Variants in AVL9 observed in about 807,000 individuals in gnomAD.
The protein encoded by AVL9 is AVL9 cell migration associated, also known as late secretory pathway protein AVL9 homolog.
A neutral mutation model predicts 79.2 loss-of-function variants in AVL9; 49 were observed. The ratio of observed to expected loss-of-function variants is 0.62; its 90% CI spans 0.49 to 0.79. The LOEUF (loss-of-function observed/expected upper bound fraction) is 0.79, where lower values mean the gene tolerates loss of function less well. AVL9 is among the 30% of genes least tolerant of loss of function. AVL9 has a pLI of 0.00. For synonymous variants in AVL9, 299 were observed against 280.6 expected (o/e 1.07, Z -0.65); for missense variants, 682 against 776.8 (o/e 0.88, Z 1.45).
In AVL9 at chr7:32,558,446, G is replaced by A. The variant is rs577263523; in HGVS notation, c.610-113G>A. On this transcript the variant is annotated intron_variant, in intron 8 of 15. Coordinates refer to ENST00000318709, the MANE Select transcript of AVL9 (RefSeq NM_015060.3). ...GCTGGGATTACAGGCATGAGCCACTGCGCCCGGCCAGCTGTTATTCTTATA... is the reference window on the plus strand; with the variant it reads ...GCTGGGATTACAGGCATGAGCCACTACGCCCGGCCAGCTGTTATTCTTATA... 1.1e-5 allele frequency: 8 copies of A among 752,434 alleles called. No homozygotes were observed. The East Asian group carries it at 2.3e-4, about 22-fold the overall frequency. 46.6% of individuals were successfully genotyped at this position (752,434 alleles called of 1,614,324 possible).
chr7:32,541,534 T>G (rs1717661044), intron 1 of AVL9, among the ~76,000 whole-genome samples: 1 of 152,182 alleles, frequency 6.6e-6, no homozygotes, highest in South Asian at 2.1e-4. Context: ...ACTCTAAAAT[T>G]GCCAACTTCA....
At position 32,558,542 on chromosome 7, in the gene AVL9, G is replaced by T. The variant is rs1175489101; in HGVS notation, c.610-17G>T. ...TTCATGGGTCTTCTAATTTGATTTT[G>T]ATTGACTCCATTCCAGGTTCTTTTT... On this transcript the variant is annotated splice_polypyrimidine_tract_variant and intron_variant, in intron 8 of 15. Transcript: ENST00000318709. The T allele has an allele frequency of 1.3e-6, 2 of 1,586,002 alleles. No individual in the cohort carries two copies. Among genetic ancestry groups the T allele is most frequent in the Non-Finnish European group, 1.7e-6 (2 of 1,163,322 alleles).
At chr7:32,547,196 C>T (rs1181163952) in intron 3 of AVL9, among the ~76,000 whole-genome samples, 1 of 152,168 alleles carries the variant, frequency 6.6e-6, no homozygotes, top group Non-Finnish European at 1.5e-5. Context: ...CCACAATGCT[C>T]CTATAAATCT....
chr7:32,570,863 C>T (rs1206418122), intron 11 of AVL9, among the ~76,000 whole-genome samples: 1 of 147,382 alleles, frequency 6.8e-6, no homozygotes, highest in Non-Finnish European at 1.5e-5. Context: ...TCAGGTGATC[C>T]ACCCACCTCG....
intron 1 of AVL9, among the ~76,000 whole-genome samples, chr7:32,523,191 C>T (rs895377503): frequency 2.6e-4 from 37 of 142,970 alleles, no homozygotes; most frequent in African/African-American, 8.8e-4. Context: ...AAAAGGGAGC[C>T]AAAGGACTAG....
chr7:32,500,085 T>C (rs764383980), intron 1 of AVL9, among the ~76,000 whole-genome samples: 2 of 152,250 alleles, frequency 1.3e-5, no homozygotes, highest in African/African-American at 4.8e-5. Flanking sequence ...AGTAGAATGA[T>C]GTATAATCCT....
chr7:32,498,771 C>CA (rs1786980349), intron 1 of AVL9, among the ~76,000 whole-genome samples: 1 of 151,300 alleles, frequency 6.6e-6, no homozygotes, highest in Non-Finnish European at 1.5e-5. Flanking sequence ...AAAGTTGTTT[C>CA]AAAATATTTA....
At chr7:32,572,990 T>C (rs1489598208) in intron 11 of AVL9, among the ~76,000 whole-genome samples, 1 of 152,114 alleles carries the variant, frequency 6.6e-6, no homozygotes, top group Non-Finnish European at 1.5e-5. Context: ...TATATTTATG[T>C]GTGTATTTTC....
chr7:32,539,130 A>G (rs2128132273), intron 1 of AVL9: 1 of 152,452 alleles, frequency 6.6e-6, no homozygotes, highest in Non-Finnish European at 1.5e-5. Context: ...GCATGCCTAT[A>G]GTCCCAGCTA....
chr7:32,576,520 A>T (rs1007769970), intron 13 of AVL9, among the ~76,000 whole-genome samples: 4 of 152,232 alleles, frequency 2.6e-5, no homozygotes, highest in Non-Finnish European at 5.9e-5. Context: ...AGCTGGGCTC[A>T]TGCCTGTAAT....
chr7:32,546,593 C>T (rs13239123), intron 3 of AVL9, among the ~76,000 whole-genome samples: 79,369 of 151,570 alleles, frequency 0.52, 22,755 homozygotes, highest in Admixed American at 0.67. Context: ...GAGGCCAAGG[C>T]GGGCGGATCA....
intron 1 of AVL9, among the ~76,000 whole-genome samples, chr7:32,502,679 AT>A (rs913745400): frequency 3.3e-5 from 5 of 151,998 alleles, no homozygotes; most frequent in East Asian, 3.9e-4. Context: ...CATTGTAGCC[AT>A]TTTTTTGGTG....
At chr7:32,552,196 T>C in intron 5 of AVL9, 33 bp from the exon 6 acceptor site, 1 of 1,315,692 alleles carries the variant, frequency 7.6e-7, no homozygotes, top group South Asian at 1.2e-5. Flanking sequence ...AAAATGATAG[T>C]AAAATGTGCT....
At chr7:32,553,666 C>T (rs1356235926) in intron 6 of AVL9, 61 bp from the exon 7 acceptor site, 3 of 1,276,070 alleles carry the variant, frequency 2.4e-6, no homozygotes, top group Non-Finnish European at 3.4e-6. Context: ...GGGGAAATAA[C>T]CTTTCTGCAG....
chr7:32,570,159 G>T lies in AVL9; in HGVS notation c.1350+5G>T, dbSNP rs778615833. ...CTCAGTGATGCCATTGTGGAAGTAC[G>T]TTTATGTGTGAGTGTGTGTATTTGG... is the stretch of plus-strand genomic sequence containing the variant. On this transcript the variant is annotated splice_donor_5th_base_variant and intron_variant, in intron 11 of 15. Transcript: ENST00000318709. 1.2e-6 allele frequency: 2 copies of T among 1,614,112 alleles called. No homozygotes were observed. Among genetic ancestry groups the T allele is most frequent in the Admixed American group, 3.3e-5 (2 of 60,004 alleles).
At chr7:32,498,320 C>T (rs972263205) in intron 1 of AVL9, among the ~76,000 whole-genome samples, 1 of 147,344 alleles carries the variant, frequency 6.8e-6, no homozygotes, top group Non-Finnish European at 1.5e-5. Flanking sequence ...GCGATCTCCA[C>T]TCACTGCAAC....
chr7:32,580,727 A>T (rs200625282), intron 14 of AVL9, 75 bp from the exon 15 acceptor site: 38 of 883,674 alleles, frequency 4.3e-5, no homozygotes, highest in Non-Finnish European at 7.0e-5. Context: ...GTGTGTGTCT[A>T]TATGTGTCTG....
At chr7:32,496,074 C>T (rs1402784221) in intron 1 of AVL9, among the ~76,000 whole-genome samples, 2 of 151,932 alleles carry the variant, frequency 1.3e-5, no homozygotes, top group East Asian at 1.9e-4. Context: ...TTAACTTCTG[C>T]TTTGGTGGAG....
chr7:32,534,802 G>C (rs528708936), intron 1 of AVL9: 12 of 152,248 alleles, frequency 7.9e-5, no homozygotes, highest in African/African-American at 2.9e-4. Context: ...ATAAAAATTA[G>C]CCAGGTGTGG....
Sources: allele counts gnomAD v4.1 joint callset (sites outside exome capture counted in the v4.1 genomes callset), GRCh38; gene constraint gnomAD v4.1.1; transcripts MANE v1.5; gene names NCBI Gene and HGNC (gene_info 2026-07-23, HGNC 2026-07-21).